Variants in COL19A1 observed in about 807,000 individuals in gnomAD.
COL19A1 encodes collagen alpha-1(XIX) chain.
Under a neutral mutation model 190.2 loss-of-function variants are expected in COL19A1, and 159 were observed. The ratio of observed to expected loss-of-function variants is 0.84; its 90% confidence interval spans 0.73 to 0.95. The LOEUF is 0.95. Among genes scored for constraint, COL19A1 ranks in the 40% least tolerant of loss-of-function variants. The pLI is 0.00. For missense variants in COL19A1, 1,418 were observed against 1,431.9 expected, an observed-to-expected ratio of 0.99 and a Z score of 0.16; for synonymous variants, 509 against 458.9, an observed-to-expected ratio of 1.11 and a Z score of -1.39.
chr6:70,198,239 T>C (rs1767331100), intron 48 of COL19A1, among the ~76,000 whole-genome samples: 1 of 152,214 alleles, frequency 6.6e-6, no homozygotes, highest in Admixed American at 6.5e-5. Context: ...TCATTTGGTC[T>C]TTACTTACAA....
chr6:69,980,237 A>T (rs1775964322), intron 11 of COL19A1, among the ~76,000 whole-genome samples: 2 of 152,090 alleles, frequency 1.3e-5, no homozygotes, highest in South Asian at 4.1e-4. Context: ...AGATAGATAG[A>T]CTAAACCTGA....
chr6:69,878,851 T>C (rs940493585), intron 1 of COL19A1, among the ~76,000 whole-genome samples: 2 of 152,166 alleles, frequency 1.3e-5, no homozygotes, highest in Non-Finnish European at 1.5e-5. Context: ...ATACATACAA[T>C]GAAATATTAT....
At chr6:70,031,293 A>G (rs191416266) in intron 12 of COL19A1, among the ~76,000 whole-genome samples, 515 of 151,996 alleles carry the variant, frequency 3.4e-3, no homozygotes, top group Non-Finnish European at 4.0e-3. Flanking sequence ...TTACACATGT[A>G]TAATACATAG....
At chr6:69,998,543 G>A (rs1777059975) in intron 11 of COL19A1, among the ~76,000 whole-genome samples, 1 of 151,392 alleles carries the variant, frequency 6.6e-6, no homozygotes, top group African/African-American at 2.4e-5. Context: ...CAACTCAGGA[G>A]GCTGCAGCAG....
In COL19A1 at chr6:70,102,201, A is replaced by ACCAGGACCC; in HGVS notation, c.1266_1274dup (p.Pro428_Gly430dup). 6.2e-7 allele frequency: 1 copy of ACCAGGACCC among 1,612,690 alleles called. No individual in the cohort carries two copies. Among genetic ancestry groups the ACCAGGACCC allele is most frequent in the East Asian group, 2.2e-5 (1 of 44,860 alleles). On this transcript the variant is annotated inframe_insertion, in exon 16 of 51. Coordinates refer to ENST00000620364, the MANE Select transcript of COL19A1 (RefSeq NM_001858.6). ...GAGGGAAAACAGGACCTCCCGGAAA[A>ACCAGGACCC]CCAGGACCCCCAGGACCACCTGTGA...
chr6:69,922,493 T>G (rs1427520496), intron 4 of COL19A1, among the ~76,000 whole-genome samples: 5 of 146,966 alleles, frequency 3.4e-5, no homozygotes, highest in African/African-American at 1.3e-4. Context: ...TTTTTTTTTT[T>G]TTTTTGATAT....
At chr6:69,927,740 C>CA (rs1217570387) in intron 4 of COL19A1, among the ~76,000 whole-genome samples, 169 bp from the exon 5 acceptor site, 1 of 152,192 alleles carries the variant, frequency 6.6e-6, no homozygotes, top group Admixed American at 6.6e-5. Context: ...CAAACTTTAA[C>CA]AACACTGTAC....
intron 11 of COL19A1, among the ~76,000 whole-genome samples, chr6:70,006,294 C>T (rs1582666817): frequency 6.6e-6 from 1 of 152,162 alleles, no homozygotes; most frequent in African/African-American, 2.4e-5. Flanking sequence ...TGTGAGTTTG[C>T]GAGTGGGATT....
intron 14 of COL19A1, among the ~76,000 whole-genome samples, chr6:70,047,855 T>C (rs528734875): frequency 6.6e-6 from 1 of 152,232 alleles, no homozygotes; most frequent in East Asian, 1.9e-4. Flanking sequence ...CTATCTCCTT[T>C]TCTCTTCCAG....
chr6:70,091,890 A>G (rs886498370), intron 15 of COL19A1, among the ~76,000 whole-genome samples: 1 of 152,196 alleles, frequency 6.6e-6, no homozygotes, highest in African/African-American at 2.4e-5. Flanking sequence ...ACTTCAAATT[A>G]CTTTTACCCA....
chr6:70,078,911 A>G (rs1310731224), intron 15 of COL19A1, among the ~76,000 whole-genome samples: 1 of 152,118 alleles, frequency 6.6e-6, no homozygotes, highest in Non-Finnish European at 1.5e-5. Flanking sequence ...TACTAAAAAT[A>G]CAAAAATTAG....
chr6:70,084,265 T>C (rs946516173), intron 15 of COL19A1, among the ~76,000 whole-genome samples: 1 of 152,160 alleles, frequency 6.6e-6, no homozygotes, highest in East Asian at 1.9e-4. Flanking sequence ...TTAGACTTAA[T>C]GTTGACTGGC....
chr6:70,010,485 G>C (rs1186355805), intron 11 of COL19A1, among the ~76,000 whole-genome samples: 1 of 142,842 alleles, frequency 7.0e-6, no homozygotes, highest in Non-Finnish European at 1.5e-5. Context: ...GAGAGTTGGC[G>C]CAGGCCAGTG....
At chr6:69,929,292 C>T in intron 5 of COL19A1, 133 bp from the exon 6 acceptor site, 1 of 852,738 alleles carries the variant, frequency 1.2e-6, no homozygotes, top group Non-Finnish European at 1.8e-6. Flanking sequence ...ACCTGGTGGA[C>T]ACAAGTGTCA....
At chr6:69,976,546 A>T (rs1388360286) in intron 11 of COL19A1, among the ~76,000 whole-genome samples, 1 of 152,180 alleles carries the variant, frequency 6.6e-6, no homozygotes, top group South Asian at 2.1e-4. Flanking sequence ...AAGGAAGAGG[A>T]GTGAGTACAT....
intron 11 of COL19A1, among the ~76,000 whole-genome samples, chr6:69,970,750 C>G (rs1235385670): frequency 2.0e-5 from 3 of 152,090 alleles, no homozygotes; most frequent in Non-Finnish European, 4.4e-5. Flanking sequence ...TTTCCTTTAC[C>G]CTAGTAACAT....
chr6:70,156,562 G>T, intron 33 of COL19A1, 108 bp from the exon 34 acceptor site: 1 of 1,261,010 alleles, frequency 7.9e-7, no homozygotes, highest in South Asian at 1.3e-5. Flanking sequence ...TTTGTTCCCT[G>T]ACCCTGTCCA....
chr6:69,977,163 C>T (rs566239660), intron 11 of COL19A1, among the ~76,000 whole-genome samples: 2 of 152,196 alleles, frequency 1.3e-5, no homozygotes, highest in East Asian at 3.9e-4. Flanking sequence ...AGAACCAACC[C>T]AAATGTCCAA....
intron 11 of COL19A1, among the ~76,000 whole-genome samples, chr6:69,979,096 T>A (rs1308683908): frequency 6.6e-6 from 1 of 151,962 alleles, no homozygotes; most frequent in Non-Finnish European, 1.5e-5. Flanking sequence ...AATCTACCAT[T>A]GAATAAAGCA....
Sources: gnomAD v4.1 joint callset for allele counts (sites outside exome capture counted in the v4.1 genomes callset) on GRCh38, gnomAD v4.1.1 for gene constraint, MANE v1.5 for transcripts, NCBI Gene and HGNC (gene_info 2026-07-23, HGNC 2026-07-21) for gene names.